TRPM3: variants seen among roughly 807,000 people sequenced by gnomAD.
The protein encoded by TRPM3 is long transient receptor potential channel 3.
A neutral mutation model predicts 181.2 loss-of-function variants in TRPM3; 77 were observed. The ratio of observed to expected loss-of-function variants is 0.42; its 90% CI spans 0.35 to 0.51. TRPM3 has a LOEUF of 0.51. TRPM3 is among the 20% of genes least tolerant of loss of function. The probability of loss-of-function intolerance (pLI) is 0.01; values close to 1 mark genes in which losing one functional copy is unlikely to be tolerated. For missense variants in TRPM3, 1,759 were observed against 2,196.7 expected, an observed-to-expected ratio of 0.80 and a Z score of 3.98; for synonymous variants, 745 against 796.4, an observed-to-expected ratio of 0.94 and a Z score of 1.09.
chr9:71,406,569 T>A (rs1278814071), intron 1 of TRPM3, among the ~76,000 whole-genome samples: 1 of 152,148 alleles, frequency 6.6e-6, no homozygotes, highest in Non-Finnish European at 1.5e-5. Flanking sequence ...CACCTTTTTT[T>A]AAATAGAGAA....
At chr9:71,068,604 C>T (rs1226133784) in intron 1 of TRPM3, among the ~76,000 whole-genome samples, 1 of 152,126 alleles carries the variant, frequency 6.6e-6, no homozygotes, top group African/African-American at 2.4e-5. Context: ...TGGGTGTATG[C>T]TCAAAATAAT....
At chr9:71,182,299 A>G (rs978938007) in intron 1 of TRPM3, among the ~76,000 whole-genome samples, 16 of 152,262 alleles carry the variant, frequency 1.1e-4, no homozygotes, top group African/African-American at 2.2e-4. Context: ...CAGCCCACAT[A>G]TCACTAGAGA....
chr9:70,849,058 G>T (rs1006590471), intron 3 of TRPM3, among the ~76,000 whole-genome samples: 1 of 151,510 alleles, frequency 6.6e-6, no homozygotes, highest in Non-Finnish European at 1.5e-5. Flanking sequence ...TTAAAAATGA[G>T]AGCAGATTAT....
chr9:71,058,393 C>T (rs1233792646), intron 1 of TRPM3, among the ~76,000 whole-genome samples: 1 of 152,006 alleles, frequency 6.6e-6, no homozygotes, highest in African/African-American at 2.4e-5. Flanking sequence ...AGCTGCACAG[C>T]TGCAGGAGGG....
intron 11 of TRPM3, among the ~76,000 whole-genome samples, chr9:70,636,497 G>A (rs1282283810): frequency 6.6e-6 from 1 of 152,176 alleles, no homozygotes; most frequent in African/African-American, 2.4e-5. Context: ...AGGAATGTCA[G>A]ATAAAATCCA....
At chr9:71,443,532 CA>C (rs950067524) in intron 1 of TRPM3, among the ~76,000 whole-genome samples, 1 of 152,086 alleles carries the variant, frequency 6.6e-6, no homozygotes, top group Non-Finnish European at 1.5e-5. Flanking sequence ...TGGGCAGTGG[CA>C]GGGATAGCAC....
chr9:71,379,766 T>C (rs2092754197), intron 1 of TRPM3, among the ~76,000 whole-genome samples: 1 of 151,920 alleles, frequency 6.6e-6, no homozygotes, highest in Non-Finnish European at 1.5e-5. Context: ...TACATATACA[T>C]CTGTGAATCA....
intron 1 of TRPM3, among the ~76,000 whole-genome samples, chr9:71,256,079 T>C (rs924929453): frequency 3.9e-5 from 6 of 152,234 alleles, no homozygotes; most frequent in Non-Finnish European, 8.8e-5. Flanking sequence ...TTTTCTCTTT[T>C]ATTCAGAAGG....
At chr9:70,649,143 C>A (rs2059291277) in intron 9 of TRPM3, among the ~76,000 whole-genome samples, 1 of 150,522 alleles carries the variant, frequency 6.6e-6, no homozygotes, top group Non-Finnish European at 1.5e-5. Context: ...AACAAATCAA[C>A]AAGTAAAAAC....
chr9:70,888,951 A>G (rs2096143645), intron 1 of TRPM3, among the ~76,000 whole-genome samples: 1 of 152,246 alleles, frequency 6.6e-6, no homozygotes, highest in Non-Finnish European at 1.5e-5. Flanking sequence ...CAAGGACACC[A>G]GTATGGAGAA....
Position 70,686,028 on chromosome 9 carries a change from T to G in TRPM3, c.1273-4450A>C, listed in dbSNP as rs891565792. Among the ~76,000 whole-genome samples, 3 of 151,104 alleles carry G rather than the reference T, an allele frequency of 2.0e-5. No homozygotes were observed. The Admixed American group carries it at 2.0e-4, about 10-fold the overall frequency. The stretch of plus-strand genomic sequence containing the variant: ...ATATATGTTTATATGGTTAGGTATA[T>G]GTGTATATATATGGGTATATATGTG... On this transcript the variant is annotated intron_variant, in intron 8 of 25. Coordinates refer to ENST00000677713, the MANE Select transcript of TRPM3 (RefSeq NM_001366145.2).
At chr9:71,391,874 T>C (rs938751060) in intron 1 of TRPM3, among the ~76,000 whole-genome samples, 10 of 152,126 alleles carry the variant, frequency 6.6e-5, no homozygotes, top group Non-Finnish European at 1.0e-4. Flanking sequence ...TAAGCAGCTA[T>C]TAAATCACTC....
chr9:70,787,807 AT>A (rs2084212069), intron 6 of TRPM3, among the ~76,000 whole-genome samples: 2 of 44,270 alleles, frequency 4.5e-5, no homozygotes, highest in Admixed American at 2.5e-4. Flanking sequence ...TTTTTATTTT[AT>A]TTTTTTAATG....
chr9:71,193,813 C>A (rs982986912), intron 1 of TRPM3, among the ~76,000 whole-genome samples: 2 of 151,860 alleles, frequency 1.3e-5, no homozygotes, highest in African/African-American at 4.8e-5. Flanking sequence ...ACACTACTCA[C>A]AAGTGGTTTG....
At chr9:71,389,172 A>T (rs1249857933) in intron 1 of TRPM3, among the ~76,000 whole-genome samples, 1 of 152,140 alleles carries the variant, frequency 6.6e-6, no homozygotes. Context: ...TGAGCTAAGA[A>T]CATGAATAGA....
At chr9:71,055,350 G>A (rs1164257667) in intron 1 of TRPM3, among the ~76,000 whole-genome samples, 1 of 152,068 alleles carries the variant, frequency 6.6e-6, no homozygotes, top group African/African-American at 2.4e-5. Flanking sequence ...AAGATAATTA[G>A]ACATCACTGG....
chr9:70,821,941 A>G (rs576556232), intron 6 of TRPM3, among the ~76,000 whole-genome samples: 217 of 152,206 alleles, frequency 1.4e-3, no homozygotes, highest in African/African-American at 4.9e-3. Context: ...ACAAATACCA[A>G]CTGTGCTGCA....
intron 4 of TRPM3, among the ~76,000 whole-genome samples, chr9:70,843,838 C>T (rs2094826420): frequency 2.0e-5 from 3 of 152,094 alleles, no homozygotes; most frequent in African/African-American, 7.2e-5. Flanking sequence ...CTTAACCTCC[C>T]TCTCAAATGA....
intron 1 of TRPM3, among the ~76,000 whole-genome samples, chr9:71,384,250 TATTTC>T (rs2092875373): frequency 6.6e-6 from 1 of 152,224 alleles, no homozygotes; most frequent in Admixed American, 6.5e-5. Context: ...TTTGGTTCCT[TATTTC>T]AGAAATGCTG....
Sources: gnomAD v4.1 joint callset for allele counts (sites outside exome capture counted in the v4.1 genomes callset) on GRCh38, gnomAD v4.1.1 for gene constraint, MANE v1.5 for transcripts, NCBI Gene and HGNC (gene_info 2026-07-23, HGNC 2026-07-21) for gene names.